Variants in SRC observed in about 807,000 individuals in gnomAD.
The protein encoded by SRC is proto-oncogene tyrosine-protein kinase Src.
Under a neutral mutation model 62.9 loss-of-function variants are expected in SRC, and 13 were observed. The ratio of observed to expected loss-of-function variants is 0.21; its 90% CI spans 0.13 to 0.33. SRC has a LOEUF of 0.33. Among genes scored for constraint, SRC ranks in the 10% least tolerant of loss-of-function variants. SRC has a pLI of 1.00. For synonymous variants in SRC, 302 were observed against 317.5 expected (o/e 0.95, Z 0.52); for missense variants, 457 against 737.3 (o/e 0.62, Z 4.40).
chr20:37,344,929 C>G (rs1233317518), upstream of SRC: 10 of 152,442 alleles, frequency 6.6e-5, no homozygotes, highest in Non-Finnish European at 1.5e-4. Context: ...TTGTCCACCC[C>G]ACAGCAGAGG....
chr20:37,374,620 G>A (rs866434524), intron 2 of SRC, among the ~76,000 whole-genome samples: 1 of 142,802 alleles, frequency 7.0e-6, no homozygotes, highest in African/African-American at 2.6e-5. Context: ...TGTTGCCCAG[G>A]CTGGAGTACA....
rs1238091743 is a variant in SRC, at chr20:37,384,648, T to C, written c.250+245T>C. Among the ~76,000 whole-genome samples, 3 of 150,066 alleles carry C rather than the reference T, an allele frequency of 2.0e-5. No individual in the cohort carries two copies. Among genetic ancestry groups the C allele is most frequent in the South Asian group, 2.1e-4 (1 of 4,726 alleles). On this transcript the variant is annotated intron_variant, in intron 4 of 13. Coordinates refer to ENST00000373578, the MANE Select transcript of SRC (RefSeq NM_198291.3). The surrounding 1 kb of genome is among the most constrained non-coding windows in gnomAD (Gnocchi z 6.7). ...GACACGGGGTGTGGTTAATGGGTTC[T>C]AATTGGACGCTTAAGCCCAAGAAGA...
intron 1 of SRC, among the ~76,000 whole-genome samples, chr20:37,353,706 T>C (rs914613252): frequency 4.6e-5 from 7 of 152,134 alleles, no homozygotes; most frequent in Admixed American, 1.3e-4. Context: ...ATCCAGTGCA[T>C]GGATTTGAAC....
intron 5 of SRC, among the ~76,000 whole-genome samples, chr20:37,390,037 G>A (rs1601005345): frequency 6.6e-6 from 1 of 152,114 alleles, no homozygotes; most frequent in African/African-American, 2.4e-5. Flanking sequence ...TGGGAAGATG[G>A]GGATTGATAT....
chr20:37,363,700 A>G (rs924116223), intron 1 of SRC, among the ~76,000 whole-genome samples: 6 of 152,076 alleles, frequency 3.9e-5, no homozygotes, highest in African/African-American at 1.4e-4. Context: ...CCCCGCCTGG[A>G]CCAGAGCAGC....
intron 5 of SRC, among the ~76,000 whole-genome samples, chr20:37,393,513 CAG>C (rs2043055648): frequency 6.6e-6 from 1 of 152,238 alleles, no homozygotes; most frequent in Admixed American, 6.5e-5. Context: ...CCCGCAGAGA[CAG>C]GGGGTTCCCT....
chr20:37,373,434 T>C lies in SRC; in HGVS notation c.-173+8157T>C, dbSNP rs531487585. 1.4e-3 allele frequency among the ~76,000 whole-genome samples: 137 copies of C among 94,916 alleles called. 1 individual carries two copies. The highest frequency in any genetic ancestry group is 0.011 in the African/African-American group (126 of 11,632). The allele number at this position is 94,916 out of a possible 152,430, so 62.3% of individuals were successfully genotyped here. A position where few individuals can be genotyped will look rare whatever the true frequency, so the allele number is the denominator to read the frequency against. On this transcript the variant is annotated intron_variant, in intron 2 of 13. Coordinates refer to ENST00000373578, the MANE Select transcript of SRC (RefSeq NM_198291.3). ...ATATATACGCATATATGCGTGTATATACGCATATATACGCATATATGCATA... is the reference window on the plus strand; with the variant it reads ...ATATATACGCATATATGCGTGTATACACGCATATATACGCATATATGCATA...
rs1601026540 is a variant in SRC at position 37,403,844 on chromosome 20, C to T, written c.*465C>T. 1 of 259,166 alleles carries T rather than the reference C, an allele frequency of 3.9e-6. No homozygotes were observed. The highest frequency in any genetic ancestry group is 7.6e-6 in the Non-Finnish European group (1 of 132,222). 16.1% of individuals were successfully genotyped at this position (259,166 alleles called of 1,614,324 possible). On this transcript the variant is annotated 3_prime_UTR_variant, in exon 14 of 14. Transcript: ENST00000373578. The surrounding 1 kb of genome is among the most constrained non-coding windows in gnomAD (Gnocchi z 7.1). ...CTGGCCCCGCCTGCCTGCCACCCTG[C>T]CCCTTGCCATCCATTCTGGAAACAC...
intron 9 of SRC, 57 bp from the exon 10 acceptor site, chr20:37,400,058 C>T (rs1183012361): frequency 6.7e-7 from 1 of 1,502,984 alleles, no homozygotes; most frequent in Non-Finnish European, 8.9e-7. Context: ...ATCCTGGATC[C>T]CTGTGTGGTA....
At position 37,403,271 on chromosome 20, in the gene SRC, C is replaced by G; in HGVS notation, c.1503C>G (p.Cys501Trp). The G allele has an allele frequency of 6.3e-7, 1 of 1,597,806 alleles. No homozygotes were observed. The highest frequency in any genetic ancestry group is 8.5e-7 in the Non-Finnish European group (1 of 1,172,978). Residue 501 changes from cysteine to tryptophan, a missense_variant, in exon 14 of 14, where the codon TGC becomes TGG. By Grantham distance (215) the Cys-to-Trp change is radical. Around this residue, in one of 4 missense-constraint regions of SRC, gnomAD observed 168 missense variants for 357.8 expected, o/e 0.47. Coordinates refer to ENST00000373578, the MANE Select transcript of SRC (RefSeq NM_198291.3). This position sits in a 1 kb window ranked among gnomAD's most constrained non-coding sequence, Gnocchi z 7.1. ...PESLHDLMCQ[C>W]WRKEPEERPT... Reference sequence around the variant, plus strand: ...CCCTGCACGACCTCATGTGCCAGTGCTGGCGGAAGGAGCCTGAGGAGCGGC... The same window carrying G: ...CCCTGCACGACCTCATGTGCCAGTGGTGGCGGAAGGAGCCTGAGGAGCGGC...
In SRC at chr20:37,384,267, C is replaced by T; in HGVS notation, c.114C>T (p.Pro38=). 1.3e-6 allele frequency: 2 copies of T among 1,552,532 alleles called. No homozygotes were observed. The highest frequency in any genetic ancestry group is 1.7e-6 in the Non-Finnish European group (2 of 1,158,918). Residue 38 remains proline, a synonymous_variant, in exon 4 of 14, where the codon CCC becomes CCT. Coordinates refer to ENST00000373578, the MANE Select transcript of SRC (RefSeq NM_198291.3). This position sits in a 1 kb window ranked among gnomAD's most constrained non-coding sequence, Gnocchi z 6.7. The part of the protein sequence containing the change: ...GGGAFPASQT[P]SKPASADGHR... ...GCGCTTTCCCCGCCTCGCAGACCCC[C>T]AGCAAGCCAGCCTCGGCCGACGGCC...
In SRC at chr20:37,403,419, G is replaced by A; in HGVS notation, c.*40G>A. The A allele has an allele frequency of 3.3e-6, 5 of 1,528,998 alleles. No individual in the cohort carries two copies. Among genetic ancestry groups the A allele is most frequent in the Non-Finnish European group, 4.4e-6 (5 of 1,136,366 alleles). 94.7% of individuals were successfully genotyped at this position (1,528,998 alleles called of 1,614,324 possible). A position where few individuals can be genotyped will look rare whatever the true frequency, so the allele number is the denominator to read the frequency against. On this transcript the variant is annotated 3_prime_UTR_variant, in exon 14 of 14. Transcript: ENST00000373578. The surrounding 1 kb of genome is among the most constrained non-coding windows in gnomAD (Gnocchi z 7.1). Reference sequence around the variant, plus strand: ...AGACCGGCTTCTCGGCTTGGATCCTGGGCTGGGTGGCCCCTGTCTCGGGGC... The same window carrying A: ...AGACCGGCTTCTCGGCTTGGATCCTAGGCTGGGTGGCCCCTGTCTCGGGGC...
chr20:37,373,233 TGC>T (rs2070208024), intron 2 of SRC, among the ~76,000 whole-genome samples: 4 of 137,442 alleles, frequency 2.9e-5, no homozygotes, highest in African/African-American at 1.3e-4. Flanking sequence ...CGTACACACA[TGC>T]ACATATGTAC....
chr20:37,396,266 C>T lies in SRC; in HGVS notation c.658C>T (p.Arg220Cys), dbSNP rs768609250. ...LDSGGFYITSRTQFNSLQQLV... is the reference protein window; with the variant it reads ...LDSGGFYITSCTQFNSLQQLV... Reference sequence around the variant, plus strand: ...CAGCGGCGGCTTCTACATCACCTCCCGCACCCAGTTCAACAGCCTGCAGCA... The same window carrying T: ...CAGCGGCGGCTTCTACATCACCTCCTGCACCCAGTTCAACAGCCTGCAGCA... Residue 220 changes from arginine to cysteine, a missense_variant, in exon 8 of 14, where the codon CGC (arginine) becomes TGC (cysteine). Arg to Cys is a radical substitution (Grantham distance 180). Around this residue, in one of 4 missense-constraint regions of SRC, gnomAD observed 141 missense variants for 198.4 expected, o/e 0.71. Transcript: ENST00000373578. The surrounding 1 kb of genome is among the most constrained non-coding windows in gnomAD (Gnocchi z 6.1). 19 of 1,613,884 alleles carry T rather than the reference C, an allele frequency of 1.2e-5. No individual in the cohort carries two copies. Among genetic ancestry groups the T allele is most frequent in the Admixed American group, 1.7e-5 (1 of 60,028 alleles).
chr20:37,393,502 G>A (rs1318947385), intron 5 of SRC, among the ~76,000 whole-genome samples: 4 of 152,168 alleles, frequency 2.6e-5, no homozygotes, highest in African/African-American at 9.7e-5. Context: ...AACCTTACTT[G>A]CCCGCAGAGA....
intron 2 of SRC, among the ~76,000 whole-genome samples, chr20:37,369,016 T>C (rs138845848): frequency 1.5e-3 from 226 of 152,360 alleles, no homozygotes; most frequent in East Asian, 6.2e-3. Context: ...TCAATGTGAT[T>C]GTTTCCTTTT....
intron 1 of SRC, among the ~76,000 whole-genome samples, chr20:37,358,757 C>T (rs575799182): frequency 6.6e-6 from 1 of 152,308 alleles, no homozygotes; most frequent in Non-Finnish European, 1.5e-5. Context: ...CTCCGTGGCC[C>T]CCCTGCTGGG....
In SRC at chr20:37,403,397, C is replaced by T; in HGVS notation, c.*18C>T. Reference sequence around the variant, plus strand: ...ACCTCTAGGCACAGGCGGGCCCAGACCGGCTTCTCGGCTTGGATCCTGGGC... The same window carrying T: ...ACCTCTAGGCACAGGCGGGCCCAGATCGGCTTCTCGGCTTGGATCCTGGGC... On this transcript the variant is annotated 3_prime_UTR_variant, in exon 14 of 14. Transcript: ENST00000373578. This position sits in a 1 kb window ranked among gnomAD's most constrained non-coding sequence, Gnocchi z 7.1. 6.4e-7 allele frequency: 1 copy of T among 1,558,622 alleles called. No individual in the cohort carries two copies. The highest frequency in any genetic ancestry group is 8.7e-7 in the Non-Finnish European group (1 of 1,152,382).
intron 1 of SRC, among the ~76,000 whole-genome samples, chr20:37,362,980 C>T (rs929966455): frequency 5.9e-5 from 9 of 152,184 alleles, no homozygotes; most frequent in African/African-American, 2.2e-4. Context: ...GTCCCAGCTG[C>T]AGGCCCTGTC....
Sources: allele counts gnomAD v4.1 joint callset (sites outside exome capture counted in the v4.1 genomes callset), GRCh38; gene constraint gnomAD v4.1.1; regional missense constraint gnomAD v4.1.1; non-coding constraint Gnocchi (gnomAD v3.1); transcripts MANE v1.5; gene names NCBI Gene and HGNC (gene_info 2026-07-23, HGNC 2026-07-21).